Variants in SLC4A7 observed in about 807,000 individuals in gnomAD.
SLC4A7 encodes the protein sodium bicarbonate cotransporter 3.
A neutral mutation model predicts 137.6 loss-of-function variants in SLC4A7; 51 were observed. The ratio of observed to expected loss-of-function variants is 0.37; its 90% CI spans 0.30 to 0.47. The LOEUF (loss-of-function observed/expected upper bound fraction) is 0.47. SLC4A7 is among the 20% of genes least tolerant of loss of function. The probability of loss-of-function intolerance (pLI) is 1.00; values close to 1 mark genes in which losing one functional copy is unlikely to be tolerated. For synonymous variants in SLC4A7, 542 were observed against 518.6 expected, an observed-to-expected ratio of 1.05 and a Z score of -0.61; for missense variants, 1,247 against 1,525.4, an observed-to-expected ratio of 0.82 and a Z score of 3.04.
At chr3:27,459,407 GATAAA>G (rs72018521) in intron 1 of SLC4A7, among the ~76,000 whole-genome samples, 27,400 of 151,980 alleles carry the variant, frequency 0.18, 2,853 homozygotes, top group Non-Finnish European at 0.25. Context: ...TACATTATTT[GATAAA>G]ATAAAAATAT....
chr3:27,409,146 A>AT (rs201732932), intron 13 of SLC4A7, among the ~76,000 whole-genome samples: 23 of 151,572 alleles, frequency 1.5e-4, no homozygotes, highest in South Asian at 2.1e-4. Context: ...CTTTTTTTTA[A>AT]TTTTTTTTTA....
chr3:27,411,530 T>C, intron 12 of SLC4A7, 112 bp downstream of exon 12: 1 of 413,836 alleles, frequency 2.4e-6, no homozygotes, highest in Non-Finnish European at 4.3e-6. Flanking sequence ...TTTTTATACA[T>C]ATGAAAAAAT....
At chr3:27,475,456 T>C (rs1050164034) in intron 1 of SLC4A7, among the ~76,000 whole-genome samples, 8 of 151,826 alleles carry the variant, frequency 5.3e-5, no homozygotes, top group African/African-American at 1.9e-4. Flanking sequence ...GGAACCCAGG[T>C]ATATCTGAAA....
intron 13 of SLC4A7, among the ~76,000 whole-genome samples, chr3:27,407,856 A>C (rs1230746311): frequency 6.6e-6 from 1 of 151,552 alleles, no homozygotes; most frequent in South Asian, 2.1e-4. Flanking sequence ...CCTCTATTCT[A>C]TTTCAACCTT....
intron 23 of SLC4A7, among the ~76,000 whole-genome samples, chr3:27,385,685 A>C (rs1383201816): frequency 6.6e-6 from 1 of 152,102 alleles, no homozygotes; most frequent in Non-Finnish European, 1.5e-5. Context: ...TGGTGAAGAG[A>C]CTACATTTGG....
At chr3:27,456,757 C>T (rs2058435934) in intron 1 of SLC4A7, 1 of 1,583,508 alleles carries the variant, frequency 6.3e-7, no homozygotes. Flanking sequence ...ACAGTGAGCA[C>T]ATATCTGATT....
intron 20 of SLC4A7, 43 bp downstream of exon 20, chr3:27,394,475 T>C: frequency 2.6e-6 from 4 of 1,527,850 alleles, no homozygotes; most frequent in African/African-American, 2.8e-5. Context: ...TAAGTATAAA[T>C]GTTATAATAA....
chr3:27,380,181 G>A (rs926034140), intron 24 of SLC4A7, among the ~76,000 whole-genome samples: 1 of 151,852 alleles, frequency 6.6e-6, no homozygotes, highest in Non-Finnish European at 1.5e-5. Flanking sequence ...GTGGCACTCG[G>A]CTGTAATCCC....
intron 7 of SLC4A7, among the ~76,000 whole-genome samples, chr3:27,424,700 C>T (rs953726619): frequency 3.3e-5 from 5 of 152,082 alleles, no homozygotes; most frequent in African/African-American, 7.2e-5. Flanking sequence ...TCTATAATAC[C>T]TATTGTCATT....
Position 27,390,120 on chromosome 3 carries a change from AAAAC to A in SLC4A7, c.3187-20_3187-17del, listed in dbSNP as rs755172380. The A allele has an allele frequency of 1.3e-6, 2 of 1,481,532 alleles. No homozygotes were observed. Among genetic ancestry groups the A allele is most frequent in the African/African-American group, 1.4e-5 (1 of 70,972 alleles). 91.8% of individuals were successfully genotyped at this position (1,481,532 alleles called of 1,614,324 possible). ...GGTCAAATAACTACATATAGAATAA[AAAAC>A]AAAGAAGTTTTCAATAAAATATTTC... On this transcript the variant is annotated splice_polypyrimidine_tract_variant and intron_variant, in intron 21 of 25. Coordinates refer to ENST00000454389, the MANE Select transcript of SLC4A7 (RefSeq NM_001321103.2).
At chr3:27,382,399 GCCA>G (rs2050515716) in intron 24 of SLC4A7, among the ~76,000 whole-genome samples, 1 of 152,004 alleles carries the variant, frequency 6.6e-6, no homozygotes, top group African/African-American at 2.4e-5. Context: ...ACAGGTGTGA[GCCA>G]CCACACCAGG....
intron 18 of SLC4A7, among the ~76,000 whole-genome samples, chr3:27,396,015 A>G (rs2052119899): frequency 6.6e-6 from 1 of 152,220 alleles, no homozygotes; most frequent in Non-Finnish European, 1.5e-5. Flanking sequence ...GTAAGATTTT[A>G]TAGCAATTTT....
chr3:27,441,555 C>A (rs552493097), intron 3 of SLC4A7, among the ~76,000 whole-genome samples: 1 of 152,150 alleles, frequency 6.6e-6, no homozygotes, highest in African/African-American at 2.4e-5. Flanking sequence ...TGTAGTCACA[C>A]AAGCATGGCT....
intron 1 of SLC4A7, among the ~76,000 whole-genome samples, chr3:27,466,406 C>T (rs1576635080): frequency 6.7e-6 from 1 of 148,722 alleles, no homozygotes; most frequent in Non-Finnish European, 1.5e-5. Flanking sequence ...GAGCCGAGAT[C>T]GCGCCACTGC....
At chr3:27,388,614 C>G (rs2051215002) in intron 22 of SLC4A7, among the ~76,000 whole-genome samples, 1 of 152,080 alleles carries the variant, frequency 6.6e-6, no homozygotes, top group Non-Finnish European at 1.5e-5. Flanking sequence ...GGTCAGAGGT[C>G]AGCAAACCAT....
chr3:27,406,234 C>G (rs6785306), intron 13 of SLC4A7, among the ~76,000 whole-genome samples: 140,797 of 152,248 alleles, frequency 0.92, 65,226 homozygotes, highest in East Asian at 1. Flanking sequence ...TTTGAAATGG[C>G]GGTGATGATA....
chr3:27,465,971 G>GAA (rs2058974235), intron 1 of SLC4A7, among the ~76,000 whole-genome samples: 1 of 139,534 alleles, frequency 7.2e-6, no homozygotes. Flanking sequence ...AAAAAAGAAA[G>GAA]AAAGAAAGAA....
chr3:27,457,637 T>C (rs1276208871), intron 1 of SLC4A7, among the ~76,000 whole-genome samples: 1 of 152,160 alleles, frequency 6.6e-6, no homozygotes, highest in African/African-American at 2.4e-5. Flanking sequence ...TACATCAAAA[T>C]CCATTTGTCT....
At position 27,484,340 on chromosome 3, in the gene SLC4A7, T is replaced by C. The variant is rs410934; in HGVS notation, c.-214A>G. The C allele has an allele frequency of 0.93, 326,301 of 349,032 alleles. 152,756 individuals carry two copies. The highest frequency in any genetic ancestry group is 1 in the East Asian group (22,790 of 22,792). The allele number at this position is 349,032 out of a possible 1,614,324, so 21.6% of individuals were successfully genotyped here. A position where few individuals can be genotyped will look rare whatever the true frequency, so the allele number is the denominator to read the frequency against. Reference sequence around the variant, plus strand: ...GCGCGCTGCGACTGCTGGGCTGGCTTTAGTAGGAGAGCGAGGCCGCGGCGT... The same window carrying C: ...GCGCGCTGCGACTGCTGGGCTGGCTCTAGTAGGAGAGCGAGGCCGCGGCGT... On this transcript the variant is annotated 5_prime_UTR_variant, in exon 1 of 26. Coordinates refer to ENST00000454389, the MANE Select transcript of SLC4A7 (RefSeq NM_001321103.2).
Sources: gnomAD v4.1 joint callset for allele counts (sites outside exome capture counted in the v4.1 genomes callset) on GRCh38, gnomAD v4.1.1 for gene constraint, MANE v1.5 for transcripts, NCBI Gene and HGNC (gene_info 2026-07-23, HGNC 2026-07-21) for gene names.